The following MECOM variants were observed in gnomAD, a reference collection of about 807,000 sequenced individuals.
The protein encoded by MECOM is MDS1 and EVI1 complex locus, also known as histone-lysine N-methyltransferase MECOM.
Under a neutral mutation model 116.3 loss-of-function variants are expected in MECOM, and 13 were observed. That is an observed-to-expected ratio of 0.11 (90% CI 0.07 to 0.18). The LOEUF (loss-of-function observed/expected upper bound fraction) is 0.18. Among genes scored for constraint, MECOM ranks in the 10% least tolerant of loss-of-function variants. The pLI is 1.00. For missense variants in MECOM, 1,299 were observed against 1,509.0 expected (o/e 0.86, Z 2.31); for synonymous variants, 528 against 535.2 (o/e 0.99, Z 0.19).
chr3:169,248,771 G>A (rs145176065), intron 2 of MECOM, among the ~76,000 whole-genome samples: 3 of 152,162 alleles, frequency 2.0e-5, no homozygotes, highest in Non-Finnish European at 4.4e-5. Flanking sequence ...AGGCATGCAT[G>A]CTCAGAGGAA....
At chr3:169,246,393 A>C (rs181068572) in intron 2 of MECOM, among the ~76,000 whole-genome samples, 182 of 152,304 alleles carry the variant, frequency 1.2e-3, no homozygotes, top group Non-Finnish European at 1.7e-3. Context: ...ATCCCAAACC[A>C]CAACTATCAT....
chr3:169,395,532 T>C (rs1734887655), intron 1 of MECOM, among the ~76,000 whole-genome samples: 1 of 152,174 alleles, frequency 6.6e-6, no homozygotes, highest in Non-Finnish European at 1.5e-5. Context: ...ATGCTCAAGA[T>C]ACTGATAGAT....
At position 169,472,643 on chromosome 3, in the gene MECOM, GAA is replaced by G. The variant is rs1560318976; in HGVS notation, c.38-91121_38-91120del. 5.1e-4 allele frequency among the ~76,000 whole-genome samples: 32 copies of G among 62,878 alleles called. 1 individual carries two copies. Among genetic ancestry groups the G allele is most frequent in the Admixed American group, 1.5e-3 (9 of 6,028 alleles). The allele number at this position is 62,878 out of a possible 152,430, so 41.3% of individuals were successfully genotyped here. A position where few individuals can be genotyped will look rare whatever the true frequency, so the allele number is the denominator to read the frequency against. ...AAAAGAAAAGAAAAGAAAAGGAAAGGAAAGGAAAAGAAAAGAAAGGAAAGGAA... is the reference window on the plus strand; with the variant it reads ...AAAAGAAAAGAAAAGAAAAGGAAAGGAGGAAAAGAAAAGAAAGGAAAGGAA... On this transcript the variant is annotated intron_variant, in intron 1 of 16. Coordinates refer to ENST00000651503, the MANE Select transcript of MECOM (RefSeq NM_004991.4).
chr3:169,208,098 C>G (rs1380223526), intron 2 of MECOM, among the ~76,000 whole-genome samples: 1 of 151,870 alleles, frequency 6.6e-6, no homozygotes, highest in Non-Finnish European at 1.5e-5. Context: ...AATTTGCCTG[C>G]TCTCACACAG....
At chr3:169,659,983 T>TA (rs1393478040) in intron 1 of MECOM, among the ~76,000 whole-genome samples, 1 of 152,184 alleles carries the variant, frequency 6.6e-6, no homozygotes, top group Non-Finnish European at 1.5e-5. Flanking sequence ...GGCCGGTAGC[T>TA]AAGGGAGTTA....
chr3:169,499,373 G>C (rs201752931), intron 1 of MECOM, among the ~76,000 whole-genome samples: 2 of 82,682 alleles, frequency 2.4e-5, no homozygotes, highest in Non-Finnish European at 4.6e-5. Flanking sequence ...AAAAAAAAAA[G>C]AGTATAGTCA....
intron 14 of MECOM, among the ~76,000 whole-genome samples, chr3:169,091,348 C>T (rs1455566672): frequency 6.6e-6 from 1 of 151,992 alleles, no homozygotes; most frequent in African/African-American, 2.4e-5. Flanking sequence ...GGTAGGAGTT[C>T]AGGGGAAAAA....
At chr3:169,355,963 G>A (rs1465758720) in intron 2 of MECOM, among the ~76,000 whole-genome samples, 1 of 151,728 alleles carries the variant, frequency 6.6e-6, no homozygotes, top group Non-Finnish European at 1.5e-5. Flanking sequence ...TTAATTTTCA[G>A]TGCCTAAAAA....
chr3:169,443,432 G>A (rs1744077571), intron 1 of MECOM, among the ~76,000 whole-genome samples: 1 of 152,134 alleles, frequency 6.6e-6, no homozygotes, highest in Non-Finnish European at 1.5e-5. Flanking sequence ...CTATGAAATA[G>A]GTTTGCATTA....
intron 8 of MECOM, among the ~76,000 whole-genome samples, chr3:169,113,985 C>T (rs1242270925): frequency 1.3e-5 from 2 of 151,864 alleles, no homozygotes; most frequent in Non-Finnish European, 2.9e-5. Context: ...TGTTGGAGAT[C>T]ACAGTGAGTA....
intron 2 of MECOM, among the ~76,000 whole-genome samples, chr3:169,153,371 G>C (rs1299129070): frequency 1.3e-5 from 2 of 151,878 alleles, no homozygotes; most frequent in African/African-American, 2.4e-5. Flanking sequence ...TATATCACTA[G>C]GAAAAATTTA....
intron 1 of MECOM, among the ~76,000 whole-genome samples, chr3:169,458,297 A>G (rs1465534928): frequency 6.6e-6 from 1 of 152,228 alleles, no homozygotes; most frequent in East Asian, 1.9e-4. Flanking sequence ...TTTACACCTC[A>G]GAAAGCTTCC....
chr3:169,406,625 AGACT>A (rs1560232583), intron 1 of MECOM, among the ~76,000 whole-genome samples: 1 of 152,200 alleles, frequency 6.6e-6, no homozygotes, highest in Non-Finnish European at 1.5e-5. Context: ...ACTATGTGCC[AGACT>A]GACACTCTCT....
intron 2 of MECOM, among the ~76,000 whole-genome samples, chr3:169,321,472 T>C (rs770174080): frequency 2.8e-4 from 42 of 151,570 alleles, no homozygotes; most frequent in Admixed American, 2.6e-4. Context: ...CCCGGGAAGG[T>C]GGAGGTTGCA....
At chr3:169,646,768 A>G (rs1774244505) in intron 1 of MECOM, among the ~76,000 whole-genome samples, 1 of 152,248 alleles carries the variant, frequency 6.6e-6, no homozygotes. Context: ...ATCTAGCACC[A>G]TCTATTCACT....
intron 2 of MECOM, among the ~76,000 whole-genome samples, chr3:169,350,515 A>T (rs988177672): frequency 2.0e-5 from 3 of 151,984 alleles, no homozygotes; most frequent in Non-Finnish European, 4.4e-5. Context: ...GCAGCTACTA[A>T]GTGCTTGAAA....
intron 2 of MECOM, among the ~76,000 whole-genome samples, chr3:169,155,602 AG>A (rs1225243612): frequency 1.3e-5 from 2 of 152,210 alleles, no homozygotes; most frequent in African/African-American, 4.8e-5. Flanking sequence ...AAAAAACAGA[AG>A]AAAAACCGCA....
chr3:169,132,520 C>T (rs550833513), intron 3 of MECOM, among the ~76,000 whole-genome samples: 12 of 152,124 alleles, frequency 7.9e-5, no homozygotes, highest in African/African-American at 2.4e-4. Context: ...ATTTATTAAA[C>T]AATCCCATAA....
At chr3:169,331,899 G>A (rs1179816165) in intron 2 of MECOM, among the ~76,000 whole-genome samples, 1 of 151,244 alleles carries the variant, frequency 6.6e-6, no homozygotes, top group Non-Finnish European at 1.5e-5. Context: ...CTCCAAAAAA[G>A]AGTCAGTGAG....
Sources: gnomAD v4.1 joint callset for allele counts (sites outside exome capture counted in the v4.1 genomes callset) on GRCh38, gnomAD v4.1.1 for gene constraint, MANE v1.5 for transcripts, NCBI Gene and HGNC (gene_info 2026-07-23, HGNC 2026-07-21) for gene names.